Variants in TMTC2 observed in about 807,000 individuals in gnomAD.
TMTC2 encodes protein O-mannosyl-transferase TMTC2.
A neutral mutation model predicts 82.4 loss-of-function variants in TMTC2; 43 were observed. The observed-to-expected ratio is 0.52, with a 90% confidence interval of 0.41 to 0.67. TMTC2 has a LOEUF of 0.67. TMTC2 is among the 30% of genes least tolerant of loss of function. TMTC2 has a pLI of 0.00. For synonymous variants in TMTC2, 408 were observed against 381.9 expected (o/e 1.07, Z -0.80); for missense variants, 919 against 1,012.4 (o/e 0.91, Z 1.25).
chr12:82,769,478 C>CA (rs1182005796), intron 1 of TMTC2, among the ~76,000 whole-genome samples: 7 of 99,016 alleles, frequency 7.1e-5, no homozygotes, highest in South Asian at 8.9e-4. Context: ...TGTCTCAAAC[C>CA]AAAAAAAAGA....
chr12:82,779,132 A>G (rs2137005994), intron 1 of TMTC2, among the ~76,000 whole-genome samples: 1 of 152,100 alleles, frequency 6.6e-6, no homozygotes, highest in South Asian at 2.1e-4. Context: ...CATTCCAGAC[A>G]GAGCATAATA....
chr12:82,818,444 C>T (rs1868879338), intron 1 of TMTC2, among the ~76,000 whole-genome samples: 1 of 152,120 alleles, frequency 6.6e-6, no homozygotes, highest in Admixed American at 6.6e-5. Context: ...ACATTTTTGC[C>T]TGACTCTTTC....
At chr12:82,715,303 T>C (rs1486306467) in intron 1 of TMTC2, among the ~76,000 whole-genome samples, 1 of 151,076 alleles carries the variant, frequency 6.6e-6, no homozygotes, top group African/African-American at 2.4e-5. Flanking sequence ...AGAAAAGGCA[T>C]ACAAATCTTT....
At chr12:82,797,365 A>G (rs73358227) in intron 1 of TMTC2, among the ~76,000 whole-genome samples, 2,165 of 152,318 alleles carry the variant, frequency 0.014, 51 homozygotes, top group African/African-American at 0.05. Context: ...CTTCTGTAGC[A>G]TAATGAATTG....
intron 1 of TMTC2, among the ~76,000 whole-genome samples, chr12:82,727,693 C>T (rs7302817): frequency 0.99 from 149,876 of 151,538 alleles, 74,136 homozygotes; most frequent in Middle Eastern, 1. Flanking sequence ...TGCACTCCAG[C>T]GTGGGCAACA....
At position 83,009,340 on chromosome 12, in the gene TMTC2, G is replaced by A. The variant is rs531923382; in HGVS notation, c.2071-21458G>A. Among the ~76,000 whole-genome samples, 14 of 152,244 alleles carry A rather than the reference G, an allele frequency of 9.2e-5. No individual in the cohort carries two copies. In the South Asian group the frequency reaches 2.9e-3, roughly 32 times the overall value. ...TGATGGTTGAGTACCCCCTAAGACT[G>A]TGGTCCTCAGGGTTTCTCTTTCTCC... On this transcript the variant is annotated intron_variant, in intron 8 of 11. Coordinates refer to ENST00000321196, the MANE Select transcript of TMTC2 (RefSeq NM_152588.3).
At chr12:82,960,609 A>G (rs985193793) in intron 4 of TMTC2, among the ~76,000 whole-genome samples, 1 of 151,922 alleles carries the variant, frequency 6.6e-6, no homozygotes, top group African/African-American at 2.4e-5. Context: ...AATAAAAGAC[A>G]CTGGGGATTA....
intron 11 of TMTC2, among the ~76,000 whole-genome samples, chr12:83,118,229 G>T (rs1884831187): frequency 6.6e-6 from 1 of 152,026 alleles, no homozygotes; most frequent in Non-Finnish European, 1.5e-5. Flanking sequence ...AGTGAGAGTT[G>T]GTGTCCTTGT....
At chr12:83,072,705 G>T (rs1479889703) in intron 11 of TMTC2, among the ~76,000 whole-genome samples, 1 of 152,082 alleles carries the variant, frequency 6.6e-6, no homozygotes, top group Non-Finnish European at 1.5e-5. Context: ...ATATGTTTAG[G>T]ATTGTGGTAT....
At chr12:82,853,287 G>C (rs1429029621) in intron 1 of TMTC2, among the ~76,000 whole-genome samples, 3 of 152,112 alleles carry the variant, frequency 2.0e-5, no homozygotes, top group African/African-American at 7.2e-5. Flanking sequence ...ATTTTTAGTA[G>C]AGATGGGGTT....
chr12:82,934,403 C>T (rs7307091), intron 4 of TMTC2, among the ~76,000 whole-genome samples: 9,665 of 151,808 alleles, frequency 0.064, 1,019 homozygotes, highest in African/African-American at 0.22. Flanking sequence ...TGACAGGCCC[C>T]GGTGTGTGAT....
chr12:83,084,065 G>A (rs1592735905), intron 11 of TMTC2, among the ~76,000 whole-genome samples: 1 of 152,172 alleles, frequency 6.6e-6, no homozygotes, highest in Non-Finnish European at 1.5e-5. Flanking sequence ...TGAGGAGATG[G>A]TGGTCACAGT....
At chr12:82,954,812 CAA>C (rs1248343331) in intron 4 of TMTC2, among the ~76,000 whole-genome samples, 3 of 152,126 alleles carry the variant, frequency 2.0e-5, no homozygotes, top group African/African-American at 4.8e-5. Flanking sequence ...AGTCTTACTA[CAA>C]AGAGACACTG....
chr12:82,723,784 C>T (rs1874315678), intron 1 of TMTC2, among the ~76,000 whole-genome samples: 2 of 152,128 alleles, frequency 1.3e-5, no homozygotes, highest in Admixed American at 6.6e-5. Flanking sequence ...AAAGCATAGG[C>T]TAGAGTACAT....
At chr12:82,761,808 C>T (rs1330677226) in intron 1 of TMTC2, among the ~76,000 whole-genome samples, 1 of 152,116 alleles carries the variant, frequency 6.6e-6, no homozygotes, top group Admixed American at 6.6e-5. Flanking sequence ...TTAGAAATCT[C>T]ATCTTCTTAC....
intron 1 of TMTC2, among the ~76,000 whole-genome samples, chr12:82,774,526 C>T (rs1364337214): frequency 6.6e-6 from 1 of 151,652 alleles, no homozygotes; most frequent in Non-Finnish European, 1.5e-5. Flanking sequence ...GAGGCTGAGA[C>T]AGGAGAGTTG....
chr12:82,869,592 C>T (rs564925419), intron 2 of TMTC2, among the ~76,000 whole-genome samples: 4 of 152,178 alleles, frequency 2.6e-5, no homozygotes, highest in East Asian at 3.9e-4. Flanking sequence ...GTAATGCCAG[C>T]GCTTTGGGAG....
chr12:82,780,729 G>A (rs1241799354), intron 1 of TMTC2, among the ~76,000 whole-genome samples: 1 of 151,726 alleles, frequency 6.6e-6, no homozygotes, highest in Non-Finnish European at 1.5e-5. Flanking sequence ...TATTCTCAGA[G>A]GCAAATCTTA....
At chr12:82,840,555 G>C (rs1054390421) in intron 1 of TMTC2, among the ~76,000 whole-genome samples, 7 of 152,184 alleles carry the variant, frequency 4.6e-5, no homozygotes, top group Non-Finnish European at 8.8e-5. Flanking sequence ...TGGCCAGGGT[G>C]ACAGAAATTA....
Sources: allele counts gnomAD v4.1 joint callset (sites outside exome capture counted in the v4.1 genomes callset), GRCh38; gene constraint gnomAD v4.1.1; transcripts MANE v1.5; gene names NCBI Gene and HGNC (gene_info 2026-07-23, HGNC 2026-07-21).